The following ZDHHC23 variants were observed in gnomAD, a reference collection of about 807,000 sequenced individuals.
The protein encoded by ZDHHC23 is zDHHC palmitoyltransferase 23, also known as palmitoyltransferase ZDHHC23.
Under a neutral mutation model 40.2 loss-of-function variants are expected in ZDHHC23, and 41 were observed. That is an observed-to-expected ratio of 1.02 (90% confidence interval 0.79 to 1.32). The LOEUF (loss-of-function observed/expected upper bound fraction) is 1.32. ZDHHC23 is among the 40% of genes most tolerant of loss of function. ZDHHC23 has a pLI of 0.00. For missense variants in ZDHHC23, 471 were observed against 541.5 expected, an observed-to-expected ratio of 0.87 and a Z score of 1.29; for synonymous variants, 204 against 210.2, an observed-to-expected ratio of 0.97 and a Z score of 0.26.
intron 4 of ZDHHC23, 97 bp downstream of exon 4, chr3:113,956,603 A>G: frequency 7.8e-7 from 1 of 1,280,328 alleles, no homozygotes; most frequent in Admixed American, 2.7e-5. Context: ...TTCTCAATCA[A>G]AACATAGGCC....
At chr3:113,967,106 AG>A (rs1484875107), downstream of ZDHHC23, among the ~76,000 whole-genome samples, 25 of 64,638 alleles carry the variant, frequency 3.9e-4, no homozygotes, top group South Asian at 0.017. Context: ...TCTCAAAAAA[AG>A]AAAAAAAGAA....
the ZDHHC23 span, among the ~76,000 whole-genome samples, chr3:113,975,425 G>A: frequency 1.3e-5 from 2 of 152,114 alleles, no homozygotes; most frequent in Admixed American, 1.3e-4. Context: ...TAATGTTAAA[G>A]CCCCTTTTAA....
At chr3:113,951,107 A>C (rs1938613597) in intron 2 of ZDHHC23, among the ~76,000 whole-genome samples, 1 of 152,130 alleles carries the variant, frequency 6.6e-6, no homozygotes. Context: ...TGGAGTTCCT[A>C]CAGGTGCCTC....
intron 4 of ZDHHC23, 86 bp from the exon 5 acceptor site, chr3:113,958,276 TA>T (rs1464311145): frequency 1.3e-5 from 17 of 1,281,484 alleles, no homozygotes; most frequent in African/African-American, 3.0e-5. Context: ...TAGTAATAAG[TA>T]AAAAAATGTG....
chr3:113,949,349 AC>A (rs1394082133), intron 2 of ZDHHC23, among the ~76,000 whole-genome samples: 18 of 152,180 alleles, frequency 1.2e-4, no homozygotes, highest in Non-Finnish European at 1.5e-5. Flanking sequence ...GAGACTGACT[AC>A]TTGGGACTGG....
intron 2 of ZDHHC23, among the ~76,000 whole-genome samples, chr3:113,953,254 C>G (rs1263666615): frequency 6.6e-6 from 1 of 152,210 alleles, no homozygotes. Context: ...ACAAAGACCC[C>G]TCTGAAGACT....
At chr3:113,955,138 T>C (rs186741393) in intron 3 of ZDHHC23, among the ~76,000 whole-genome samples, 1 of 152,340 alleles carries the variant, frequency 6.6e-6, no homozygotes, top group African/African-American at 2.4e-5. Context: ...TCGTGATCAA[T>C]GAATTAATGC....
At chr3:113,978,652 C>G in the ZDHHC23 span, 1 of 621,936 alleles carries the variant, frequency 1.6e-6, no homozygotes, top group Non-Finnish European at 2.7e-6. Context: ...ATACACACTC[C>G]GTGAAACAAA....
chr3:113,948,455 A>G, intron 1 of ZDHHC23: 1 of 256,886 alleles, frequency 3.9e-6, no homozygotes, highest in Non-Finnish European at 7.6e-6. Flanking sequence ...CCCAGCCTGC[A>G]CCCGCAGGTG....
At position 113,961,815 on chromosome 3, in the gene ZDHHC23, A is replaced by G. The variant is rs560295515; in HGVS notation, c.*3185A>G. 1 of 152,770 alleles carries G rather than the reference A, an allele frequency of 6.5e-6. No homozygotes were observed. Among genetic ancestry groups the G allele is most frequent in the Admixed American group, 6.5e-5 (1 of 15,304 alleles). The allele number at this position is 152,770 out of a possible 1,614,324, so 9.5% of individuals were successfully genotyped here. ...CACTGCCAGAAAACACAGTGCCAGT[A>G]AGGTTCTACATACCACTGACCATCT... On this transcript the variant is annotated 3_prime_UTR_variant, in exon 5 of 5. Coordinates refer to ENST00000638807, the MANE Select transcript of ZDHHC23 (RefSeq NM_001320466.2).
At position 113,959,866 on chromosome 3, in the gene ZDHHC23, C is replaced by G. The variant is rs537628993; in HGVS notation, c.*1236C>G. 5.0e-6 allele frequency: 5 copies of G among 1,000,194 alleles called. No individual in the cohort carries two copies. The South Asian group carries it at 1.8e-4, about 35-fold the overall frequency. The allele number at this position is 1,000,194 out of a possible 1,614,324, so 62.0% of individuals were successfully genotyped here. A position where few individuals can be genotyped will look rare whatever the true frequency, so the allele number is the denominator to read the frequency against. ...AATGGATTACTGTTCTTCCCTGGCT[C>G]TTCCGACAATAACAAGTTGTTTCTT... On this transcript the variant is annotated 3_prime_UTR_variant, in exon 5 of 5. Coordinates refer to ENST00000638807, the MANE Select transcript of ZDHHC23 (RefSeq NM_001320466.2).
At chr3:113,950,080 C>T (rs1938514808) in intron 2 of ZDHHC23, among the ~76,000 whole-genome samples, 1 of 152,236 alleles carries the variant, frequency 6.6e-6, no homozygotes, top group Non-Finnish European at 1.5e-5. Flanking sequence ...GCCCTGGAGA[C>T]CTTGGCTGTC....
At chr3:113,968,920 C>T (rs1940509425), downstream of ZDHHC23, among the ~76,000 whole-genome samples, 1 of 151,306 alleles carries the variant, frequency 6.6e-6, no homozygotes, top group African/African-American at 2.4e-5. Flanking sequence ...ATTGGACTTG[C>T]AGTTTTGCCA....
chr3:113,960,582 A>C lies in ZDHHC23; in HGVS notation c.*1952A>C. On this transcript the variant is annotated 3_prime_UTR_variant, in exon 5 of 5. Transcript: ENST00000638807. ...CAAATTGATAGAAACATTAGTCAGTAATTTTAGCTTCTTGCCAAATTGTTC... is the reference window on the plus strand; with the variant it reads ...CAAATTGATAGAAACATTAGTCAGTCATTTTAGCTTCTTGCCAAATTGTTC... 1 of 1,525,396 alleles carries C rather than the reference A, an allele frequency of 6.6e-7. No individual in the cohort carries two copies. The allele number at this position is 1,525,396 out of a possible 1,614,324, so 94.5% of individuals were successfully genotyped here. A position where few individuals can be genotyped will look rare whatever the true frequency, so the allele number is the denominator to read the frequency against.
rs527894870 is a variant in ZDHHC23 at position 113,961,823 on chromosome 3, A to G, written c.*3193A>G. On this transcript the variant is annotated 3_prime_UTR_variant, in exon 5 of 5. Coordinates refer to ENST00000638807, the MANE Select transcript of ZDHHC23 (RefSeq NM_001320466.2). ...GAAAACACAGTGCCAGTAAGGTTCT[A>G]CATACCACTGACCATCTGCTTAATA... The G allele has an allele frequency of 6.5e-6, 1 of 152,796 alleles. No individual in the cohort carries two copies. The highest frequency in any genetic ancestry group is 1.9e-4 in the East Asian group (1 of 5,190). 9.5% of individuals were successfully genotyped at this position (152,796 alleles called of 1,614,324 possible). A position where few individuals can be genotyped will look rare whatever the true frequency, so the allele number is the denominator to read the frequency against.
the ZDHHC23 span, among the ~76,000 whole-genome samples, chr3:113,975,286 G>A: frequency 1.1e-4 from 16 of 152,142 alleles, no homozygotes; most frequent in African/African-American, 3.6e-4. Flanking sequence ...CATCTTTCTC[G>A]ATGTTATTGC....
intron 1 of ZDHHC23, 29 bp from the exon 2 acceptor site, chr3:113,948,657 C>T (rs1938358570): frequency 3.2e-6 from 3 of 932,002 alleles, no homozygotes; most frequent in Non-Finnish European, 4.7e-6. Flanking sequence ...ACCCCCTCCC[C>T]CTCTCTCTTC....
rs569663242 is a variant in ZDHHC23, at chr3:113,959,252, C to T, written c.*622C>T. 2 of 1,077,132 alleles carry T rather than the reference C, an allele frequency of 1.9e-6. No homozygotes were observed. Among genetic ancestry groups the T allele is most frequent in the African/African-American group, 1.6e-5 (1 of 61,644 alleles). 66.7% of individuals were successfully genotyped at this position (1,077,132 alleles called of 1,614,324 possible). ...AGGGTAATCAGTTTTCAGCATATAC[C>T]TTGTTGTACAGTTATGAGAATTTCT... On this transcript the variant is annotated 3_prime_UTR_variant, in exon 5 of 5. Transcript: ENST00000638807.
At chr3:113,970,240 A>T (rs1349777363), downstream of ZDHHC23, among the ~76,000 whole-genome samples, 1 of 152,128 alleles carries the variant, frequency 6.6e-6, no homozygotes, top group Admixed American at 6.5e-5. Flanking sequence ...CAGATCTAAC[A>T]GTTTTTTTTG....
Sources: gnomAD v4.1 joint callset for allele counts (sites outside exome capture counted in the v4.1 genomes callset) on GRCh38, gnomAD v4.1.1 for gene constraint, MANE v1.5 for transcripts, NCBI Gene and HGNC (gene_info 2026-07-23, HGNC 2026-07-21) for gene names.